The following XKR9 variants were observed in gnomAD, a reference collection of about 807,000 sequenced individuals.
The protein encoded by XKR9 is XK related 9.
A neutral mutation model predicts 32.0 loss-of-function variants in XKR9; 32 were observed. The observed-to-expected ratio is 1.00, with a 90% CI of 0.76 to 1.34. The LOEUF (loss-of-function observed/expected upper bound fraction) is 1.34, where lower values mean the gene tolerates loss of function less well. XKR9 is among the 40% of genes most tolerant of loss of function. The probability of loss-of-function intolerance (pLI) is 0.00; values close to 1 mark genes in which losing one functional copy is unlikely to be tolerated. For synonymous variants in XKR9, 168 were observed against 143.4 expected, an observed-to-expected ratio of 1.17 and a Z score of -1.22; for missense variants, 546 against 429.7, an observed-to-expected ratio of 1.27 and a Z score of -2.39.
chr8:71,041,727 G>T, the XKR9 span, among the ~76,000 whole-genome samples: 1 of 152,060 alleles, frequency 6.6e-6, no homozygotes, highest in Non-Finnish European at 1.5e-5. Context: ...TTTCCCTGGA[G>T]CTCCCTCTCT....
the XKR9 span, among the ~76,000 whole-genome samples, chr8:70,880,867 A>G: frequency 1.3e-5 from 2 of 152,190 alleles, no homozygotes; most frequent in Non-Finnish European, 2.9e-5. Context: ...CCTGACTTCA[A>G]ATGTACTACA....
At chr8:70,749,067 C>T (rs2130179584) in intron 2 of XKR9, among the ~76,000 whole-genome samples, 1 of 152,324 alleles carries the variant, frequency 6.6e-6, no homozygotes, top group Non-Finnish European at 1.5e-5. Context: ...GAGAGCTGGA[C>T]ATTCATCGGG....
At chr8:70,723,761 G>C (rs1331356924) in intron 4 of XKR9, among the ~76,000 whole-genome samples, 1 of 152,118 alleles carries the variant, frequency 6.6e-6, no homozygotes. Context: ...ACCCCTGCTG[G>C]GATGCGCCTC....
At chr8:70,929,659 C>G in the XKR9 span, among the ~76,000 whole-genome samples, 1 of 152,180 alleles carries the variant, frequency 6.6e-6, no homozygotes, top group Non-Finnish European at 1.5e-5. Context: ...AGGGTTTGCT[C>G]TCAGCATCTA....
chr8:70,890,668 G>A, the XKR9 span, among the ~76,000 whole-genome samples: 5 of 151,922 alleles, frequency 3.3e-5, no homozygotes, highest in East Asian at 1.9e-4. Flanking sequence ...TGATCATGAC[G>A]AATGATCTTT....
chr8:70,839,633 T>A, the XKR9 span, among the ~76,000 whole-genome samples: 1 of 152,158 alleles, frequency 6.6e-6, no homozygotes, highest in Non-Finnish European at 1.5e-5. Context: ...CTCTTTTGCT[T>A]GTTTTCTGAG....
chr8:70,883,595 A>G, the XKR9 span, among the ~76,000 whole-genome samples: 1 of 152,142 alleles, frequency 6.6e-6, no homozygotes, highest in East Asian at 1.9e-4. Context: ...TTGTCTCTAC[A>G]GGTTGGTCTT....
the XKR9 span, among the ~76,000 whole-genome samples, chr8:70,949,585 T>A: frequency 6.6e-6 from 1 of 152,118 alleles, no homozygotes; most frequent in African/African-American, 2.4e-5. Context: ...AAAGTGTATC[T>A]GTGTGTGTAT....
chr8:70,701,411 C>G (rs944760927), intron 3 of XKR9, among the ~76,000 whole-genome samples: 1 of 152,100 alleles, frequency 6.6e-6, no homozygotes, highest in Admixed American at 6.5e-5. Flanking sequence ...ATGTGAGTAC[C>G]TGGATGTTTC....
chr8:70,879,088 A>G, the XKR9 span, among the ~76,000 whole-genome samples: 1 of 152,352 alleles, frequency 6.6e-6, no homozygotes, highest in African/African-American at 2.4e-5. Context: ...GTAGAAATAA[A>G]GATGCTCTTT....
chr8:70,746,018 G>A (rs1314358776), intron 2 of XKR9, among the ~76,000 whole-genome samples: 3 of 152,162 alleles, frequency 2.0e-5, no homozygotes, highest in Non-Finnish European at 4.4e-5. Context: ...TCCCAAAGAG[G>A]CTATATTTTG....
chr8:70,784,919 T>C (rs1807663214), intron 2 of XKR9, among the ~76,000 whole-genome samples: 1 of 152,008 alleles, frequency 6.6e-6, no homozygotes, highest in Admixed American at 6.6e-5. Flanking sequence ...TGAAAGGATG[T>C]CGAATTTAAT....
the XKR9 span, among the ~76,000 whole-genome samples, chr8:71,033,135 T>C: frequency 9.3e-5 from 14 of 151,266 alleles, no homozygotes; most frequent in African/African-American, 3.4e-4. Context: ...AAATAACCTA[T>C]AATATAATTT....
At chr8:70,890,595 A>G in the XKR9 span, among the ~76,000 whole-genome samples, 1 of 151,924 alleles carries the variant, frequency 6.6e-6, no homozygotes, top group Non-Finnish European at 1.5e-5. Flanking sequence ...GTTGATAGGA[A>G]GTACCATGTT....
the XKR9 span, among the ~76,000 whole-genome samples, chr8:71,041,210 G>T: frequency 3.3e-5 from 5 of 152,104 alleles, no homozygotes; most frequent in African/African-American, 1.2e-4. Flanking sequence ...ATACCAAAAA[G>T]AAAGACCGAG....
chr8:70,698,216 C>T (rs1395999372), intron 3 of XKR9, among the ~76,000 whole-genome samples: 1 of 151,604 alleles, frequency 6.6e-6, no homozygotes, highest in Non-Finnish European at 1.5e-5. Flanking sequence ...TTATTTCTTG[C>T]CTTCTGCTAG....
the XKR9 span, among the ~76,000 whole-genome samples, chr8:70,844,448 A>G: frequency 2.0e-5 from 3 of 152,110 alleles, no homozygotes; most frequent in Non-Finnish European, 4.4e-5. Flanking sequence ...GTCCCCCAGC[A>G]CCAGGGCCAC....
At chr8:70,844,923 C>G in the XKR9 span, among the ~76,000 whole-genome samples, 2 of 152,342 alleles carry the variant, frequency 1.3e-5, no homozygotes, top group East Asian at 1.9e-4. Flanking sequence ...TGCCTACCTA[C>G]CTGCCCTATG....
At chr8:70,774,770 G>A (rs1242808157) in intron 2 of XKR9, among the ~76,000 whole-genome samples, 1 of 152,120 alleles carries the variant, frequency 6.6e-6, no homozygotes, top group Non-Finnish European at 1.5e-5. Flanking sequence ...TTAGGCTAGT[G>A]CACACTGTTC....
Sources: allele counts gnomAD v4.1 joint callset (sites outside exome capture counted in the v4.1 genomes callset), GRCh38; gene constraint gnomAD v4.1.1; transcripts MANE v1.5; gene names NCBI Gene and HGNC (gene_info 2026-07-23, HGNC 2026-07-21).